Variants in HCRTR2 observed in about 807,000 individuals in gnomAD.
HCRTR2 encodes the protein hypocretin receptor 2, also known as orexin receptor type 2.
A neutral mutation model predicts 49.0 loss-of-function variants in HCRTR2; 22 were observed. The ratio of observed to expected loss-of-function variants is 0.45; its 90% CI spans 0.32 to 0.64. The LOEUF (loss-of-function observed/expected upper bound fraction) is 0.64. HCRTR2 is among the 30% of genes least tolerant of loss of function. The pLI is 0.04. For synonymous variants in HCRTR2, 236 were observed against 205.3 expected (o/e 1.15, Z -1.28); for missense variants, 491 against 559.4 (o/e 0.88, Z 1.23).
chr6:55,272,504 T>C (rs1245406463), intron 4 of HCRTR2, among the ~76,000 whole-genome samples: 1 of 152,050 alleles, frequency 6.6e-6, no homozygotes, highest in East Asian at 1.9e-4. Flanking sequence ...GCAGTGAGGT[T>C]TATGGTATGT....
At chr6:55,157,778 A>G (rs770405320) in intron 1 of HCRTR2, among the ~76,000 whole-genome samples, 7 of 152,234 alleles carry the variant, frequency 4.6e-5, no homozygotes, top group Non-Finnish European at 1.0e-4. Context: ...CAAGACCTCT[A>G]TGAATCTGCA....
chr6:55,277,746 T>C, intron 5 of HCRTR2, 146 bp downstream of exon 5: 1 of 690,424 alleles, frequency 1.4e-6, no homozygotes, highest in Non-Finnish European at 2.5e-6. Flanking sequence ...AGTTATGTTG[T>C]TACCAGCAGG....
At chr6:55,257,997 TATG>T (rs1766685046) in intron 3 of HCRTR2, among the ~76,000 whole-genome samples, 1 of 152,084 alleles carries the variant, frequency 6.6e-6, no homozygotes, top group Non-Finnish European at 1.5e-5. Context: ...AGATATTTAT[TATG>T]ATGATTTCTA....
At chr6:55,119,740 G>T (rs1764169868) in intron 1 of HCRTR2, among the ~76,000 whole-genome samples, 1 of 151,792 alleles carries the variant, frequency 6.6e-6, no homozygotes, top group Admixed American at 6.6e-5. Flanking sequence ...TCTGATGATA[G>T]TTTATTTTGC....
At chr6:55,248,350 A>T (rs1232445957) in intron 1 of HCRTR2, among the ~76,000 whole-genome samples, 5 of 152,150 alleles carry the variant, frequency 3.3e-5, no homozygotes, top group African/African-American at 1.2e-4. Flanking sequence ...GAATAGAAAG[A>T]TGAATCAAAG....
chr6:55,260,427 T>A (rs1261882427), intron 3 of HCRTR2, among the ~76,000 whole-genome samples: 1 of 152,168 alleles, frequency 6.6e-6, no homozygotes, highest in African/African-American at 2.4e-5. Context: ...GGAAAGACTG[T>A]TATTTCTCAA....
chr6:55,195,297 G>T (rs1039655492), intron 1 of HCRTR2, among the ~76,000 whole-genome samples: 1 of 152,080 alleles, frequency 6.6e-6, no homozygotes, highest in East Asian at 1.9e-4. Flanking sequence ...ACAACTTGAG[G>T]ACTGACAAAG....
At chr6:55,256,057 G>A (rs1487033526) in intron 3 of HCRTR2, among the ~76,000 whole-genome samples, 1 of 152,106 alleles carries the variant, frequency 6.6e-6, no homozygotes, top group Non-Finnish European at 1.5e-5. Context: ...GAAATTCTTA[G>A]AGTCAGTCTG....
chr6:55,221,753 C>G (rs572806021), intron 1 of HCRTR2, among the ~76,000 whole-genome samples: 39 of 150,236 alleles, frequency 2.6e-4, no homozygotes, highest in Admixed American at 2.1e-3. Flanking sequence ...GCAGAGCTTG[C>G]AGTGAGGTGA....
chr6:55,260,386 C>T (rs942993273), intron 3 of HCRTR2, among the ~76,000 whole-genome samples: 3 of 152,170 alleles, frequency 2.0e-5, no homozygotes, highest in East Asian at 3.9e-4. Flanking sequence ...ATTGGCCCGC[C>T]ATATGCTGTG....
intron 1 of HCRTR2, among the ~76,000 whole-genome samples, chr6:55,214,516 T>C (rs1765754514): frequency 6.6e-6 from 1 of 151,954 alleles, no homozygotes. Flanking sequence ...TTTTTTATTT[T>C]TTTTCGTAGA....
At chr6:55,153,187 A>G (rs951226924) in intron 1 of HCRTR2, among the ~76,000 whole-genome samples, 3 of 151,990 alleles carry the variant, frequency 2.0e-5, no homozygotes, top group Non-Finnish European at 2.9e-5. Context: ...GTTTATGTCT[A>G]GGCTCTCTGT....
intron 1 of HCRTR2, among the ~76,000 whole-genome samples, chr6:55,186,505 GCTCTT>G (rs1765218625): frequency 6.6e-6 from 1 of 152,078 alleles, no homozygotes; most frequent in African/African-American, 2.4e-5. Context: ...CAATTATATT[GCTCTT>G]CTCAAGAAAA....
intron 2 of HCRTR2, 76 bp from the exon 3 acceptor site, chr6:55,255,060 C>A (rs892398543): frequency 2.6e-6 from 4 of 1,518,870 alleles, no homozygotes; most frequent in South Asian, 1.2e-5. Flanking sequence ...CTACCTTTCT[C>A]ATATAGTAAA....
chr6:55,239,773 T>C (rs62416800), intron 1 of HCRTR2, among the ~76,000 whole-genome samples: 2 of 101,714 alleles, frequency 2.0e-5, no homozygotes, highest in African/African-American at 1.1e-4. Flanking sequence ...AGGCGGTAAA[T>C]TTTTTTTTTT....
At chr6:55,198,042 C>A (rs184697823) in intron 1 of HCRTR2, among the ~76,000 whole-genome samples, 1 of 152,322 alleles carries the variant, frequency 6.6e-6, no homozygotes, top group Admixed American at 6.5e-5. Flanking sequence ...TCAATCCTAT[C>A]TCAATTCCAC....
intron 1 of HCRTR2, among the ~76,000 whole-genome samples, chr6:55,114,759 T>G (rs1764094115): frequency 6.6e-6 from 1 of 151,790 alleles, no homozygotes; most frequent in Non-Finnish European, 1.5e-5. Flanking sequence ...AATGCTCGTA[T>G]TTTTATAATT....
In HCRTR2 at chr6:55,280,455, A is replaced by C; in HGVS notation, c.1105+11A>C. The C allele has an allele frequency of 6.2e-7, 1 of 1,611,656 alleles. No individual in the cohort carries two copies. The highest frequency in any genetic ancestry group is 8.5e-7 in the Non-Finnish European group (1 of 1,178,936). On this transcript the variant is annotated intron_variant, in intron 6 of 6. Transcript: ENST00000370862. Reference sequence around the variant, plus strand: ...ATAATTTTCTCAGTGGTGAGTTTTCAACTGTTCTTCCATAAGCCACAATTG... The same window carrying C: ...ATAATTTTCTCAGTGGTGAGTTTTCCACTGTTCTTCCATAAGCCACAATTG...
At chr6:55,257,601 C>A (rs2127318797) in intron 3 of HCRTR2, among the ~76,000 whole-genome samples, 1 of 151,186 alleles carries the variant, frequency 6.6e-6, no homozygotes, top group South Asian at 2.1e-4. Context: ...GATTCCTGTT[C>A]AGTTATTATG....
Sources: allele counts gnomAD v4.1 joint callset (sites outside exome capture counted in the v4.1 genomes callset), GRCh38; gene constraint gnomAD v4.1.1; transcripts MANE v1.5; gene names NCBI Gene and HGNC (gene_info 2026-07-23, HGNC 2026-07-21).